The following LRRC1 variants were observed in gnomAD, a reference collection of about 807,000 sequenced individuals.
The protein encoded by LRRC1 is leucine rich repeat containing 1, also known as leucine-rich repeat-containing protein 1.
LRRC1 carries 28 observed loss-of-function variants against 69.9 expected under a neutral mutation model. The observed-to-expected ratio is 0.40, with a 90% CI of 0.30 to 0.55. The LOEUF (loss-of-function observed/expected upper bound fraction) is 0.55, where lower values mean the gene tolerates loss of function less well. Ranked by LOEUF, LRRC1 falls within the 20% of genes least tolerant of loss-of-function variation. The probability of loss-of-function intolerance (pLI) is 0.47; values close to 1 mark genes in which losing one functional copy is unlikely to be tolerated. For synonymous variants in LRRC1, 236 were observed against 240.2 expected, an observed-to-expected ratio of 0.98 and a Z score of 0.16; for missense variants, 498 against 609.0, an observed-to-expected ratio of 0.82 and a Z score of 1.92.
chr6:53,844,976 G>A (rs532094835), intron 2 of LRRC1, among the ~76,000 whole-genome samples: 5 of 152,262 alleles, frequency 3.3e-5, no homozygotes, highest in African/African-American at 1.2e-4. Context: ...AGGCCAAGGC[G>A]GGGGGATCAC....
At chr6:53,844,478 G>T (rs191217404) in intron 2 of LRRC1, among the ~76,000 whole-genome samples, 9 of 152,166 alleles carry the variant, frequency 5.9e-5, no homozygotes, top group Non-Finnish European at 1.2e-4. Context: ...AGTTTTACCA[G>T]TTCCCACATC....
At chr6:53,848,093 G>T (rs547538631) in intron 2 of LRRC1, among the ~76,000 whole-genome samples, 2 of 152,262 alleles carry the variant, frequency 1.3e-5, no homozygotes, top group East Asian at 1.9e-4. Flanking sequence ...GGAGAGTTTT[G>T]TTGTCACTGT....
At chr6:53,841,487 A>T (rs9382244) in intron 1 of LRRC1, among the ~76,000 whole-genome samples, 30,861 of 151,954 alleles carry the variant, frequency 0.2, 3,884 homozygotes, top group East Asian at 0.59. Flanking sequence ...GGCTTATTTC[A>T]CATTATATTT....
chr6:53,818,252 G>A (rs78244690), intron 1 of LRRC1, among the ~76,000 whole-genome samples: 5,321 of 152,160 alleles, frequency 0.035, 138 homozygotes, highest in Non-Finnish European at 0.056. Context: ...GGCTTTTTTG[G>A]AAGTCATTCT....
At chr6:53,853,719 G>A (rs1316993470) in intron 2 of LRRC1, among the ~76,000 whole-genome samples, 3 of 152,222 alleles carry the variant, frequency 2.0e-5, no homozygotes, top group Non-Finnish European at 4.4e-5. Context: ...TGCCAGAAGT[G>A]TAGTGATAAT....
intron 4 of LRRC1, among the ~76,000 whole-genome samples, chr6:53,883,422 A>T (rs1321443735): frequency 6.6e-6 from 1 of 152,182 alleles, no homozygotes; most frequent in Non-Finnish European, 1.5e-5. Context: ...TGAACTGTGG[A>T]TCCAAGAATA....
chr6:53,842,042 T>C, intron 1 of LRRC1, 68 bp from the exon 2 acceptor site: 1 of 992,504 alleles, frequency 1.0e-6, no homozygotes, highest in Non-Finnish European at 1.6e-6. Flanking sequence ...GTTTTACATT[T>C]CATAGTAGCC....
intron 1 of LRRC1, among the ~76,000 whole-genome samples, chr6:53,826,775 C>T (rs1765268534): frequency 1.3e-5 from 2 of 152,016 alleles, no homozygotes; most frequent in Non-Finnish European, 2.9e-5. Flanking sequence ...TACTGTATAT[C>T]TGTATATATA....
At chr6:53,800,408 C>A (rs985492652) in intron 1 of LRRC1, among the ~76,000 whole-genome samples, 2 of 151,554 alleles carry the variant, frequency 1.3e-5, no homozygotes, top group Non-Finnish European at 2.9e-5. Flanking sequence ...CACACCACCA[C>A]GCCCAGCTAA....
chr6:53,893,224 T>C (rs1002525301), intron 4 of LRRC1, among the ~76,000 whole-genome samples: 1 of 152,166 alleles, frequency 6.6e-6, no homozygotes, highest in Admixed American at 6.5e-5. Flanking sequence ...TGTATTATGC[T>C]CTAATTGCCA....
chr6:53,805,333 A>G (rs534179972), intron 1 of LRRC1, among the ~76,000 whole-genome samples: 2 of 152,204 alleles, frequency 1.3e-5, no homozygotes, highest in African/African-American at 4.8e-5. Context: ...GAGGTGACAT[A>G]TGCTGTGTTT....
chr6:53,896,964 A>C (rs376779491), intron 6 of LRRC1, 72 bp downstream of exon 6: 54 of 973,406 alleles, frequency 5.5e-5, no homozygotes, highest in Non-Finnish European at 8.2e-5. Context: ...GGGGAGTTCT[A>C]TAGGGATCTT....
At chr6:53,830,226 T>G (rs1016429763) in intron 1 of LRRC1, among the ~76,000 whole-genome samples, 1 of 152,196 alleles carries the variant, frequency 6.6e-6, no homozygotes, top group African/African-American at 2.4e-5. Context: ...AAAAATAAAA[T>G]GTAAAGACTG....
At chr6:53,916,404 A>G (rs889300229) in intron 11 of LRRC1, among the ~76,000 whole-genome samples, 1 of 152,234 alleles carries the variant, frequency 6.6e-6, no homozygotes, top group Non-Finnish European at 1.5e-5. Flanking sequence ...AATACTAAGC[A>G]GTCAAAGAAT....
At chr6:53,869,633 C>T (rs1358092842) in intron 2 of LRRC1, among the ~76,000 whole-genome samples, 5 of 152,186 alleles carry the variant, frequency 3.3e-5, no homozygotes, top group African/African-American at 9.7e-5. Context: ...GGACTGCGTA[C>T]AATATGCTTG....
chr6:53,858,803 A>G (rs561335096), intron 2 of LRRC1, among the ~76,000 whole-genome samples: 12 of 152,340 alleles, frequency 7.9e-5, no homozygotes, highest in East Asian at 5.8e-4. Context: ...AATTATGTAG[A>G]TAAAGTTAAT....
intron 2 of LRRC1, among the ~76,000 whole-genome samples, chr6:53,874,508 A>T (rs1235260201): frequency 1.3e-5 from 2 of 152,178 alleles, no homozygotes; most frequent in Non-Finnish European, 2.9e-5. Flanking sequence ...TCATTTGACC[A>T]TGCAAGGCAG....
intron 1 of LRRC1, among the ~76,000 whole-genome samples, chr6:53,833,785 CA>C (rs1765530174): frequency 6.6e-6 from 1 of 152,130 alleles, no homozygotes; most frequent in South Asian, 2.1e-4. Flanking sequence ...AATATCTCTT[CA>C]GATTATAGAA....
chr6:53,892,274 G>A (rs1767731638), intron 4 of LRRC1, among the ~76,000 whole-genome samples: 1 of 152,024 alleles, frequency 6.6e-6, no homozygotes, highest in Admixed American at 6.6e-5. Context: ...AAGTTATAAC[G>A]AAGTCTGTCA....
Sources: gnomAD v4.1 joint callset for allele counts (sites outside exome capture counted in the v4.1 genomes callset) on GRCh38, gnomAD v4.1.1 for gene constraint, MANE v1.5 for transcripts, NCBI Gene and HGNC (gene_info 2026-07-23, HGNC 2026-07-21) for gene names.